Variants in C10orf67 observed in about 807,000 individuals in gnomAD.
C10orf67 encodes uncharacterized protein C10orf67, mitochondrial.
A neutral mutation model predicts 35.6 loss-of-function variants in C10orf67; 60 were observed. The observed-to-expected ratio is 1.68, with a 90% CI of 1.37 to 2.09. The LOEUF (loss-of-function observed/expected upper bound fraction) is 2.09. Ranked by LOEUF, C10orf67 falls within the 30% of genes most tolerant of loss-of-function variation. The probability of loss-of-function intolerance (pLI) is 0.00; values close to 1 mark genes in which losing one functional copy is unlikely to be tolerated. For synonymous variants in C10orf67, 167 were observed against 115.8 expected (o/e 1.44, Z -2.84); for missense variants, 474 against 330.2 (o/e 1.44, Z -3.38).
At chr10:23,328,993 C>CAAAAAAAAAAAAAAAAAAAAAAA (rs57772405) in intron 2 of C10orf67, among the ~76,000 whole-genome samples, 33 of 78,732 alleles carry the variant, frequency 4.2e-4, no homozygotes, top group East Asian at 7.5e-4. Context: ...CATAAACGAA[C>CAAAAAAAAAAAAAAAAAAAAAAA]AAAAAAAAAA....
downstream of C10orf67, chr10:23,202,584 C>T (rs1841054640): frequency 6.6e-6 from 1 of 151,014 alleles, no homozygotes; most frequent in African/African-American, 2.4e-5. Context: ...TACAGCAAAA[C>T]TTTTGAAGGA....
intron 15 of C10orf67, among the ~76,000 whole-genome samples, chr10:23,216,531 T>A (rs1205018478): frequency 1.3e-5 from 2 of 152,116 alleles, no homozygotes; most frequent in Non-Finnish European, 2.9e-5. Context: ...CTATGAGAAA[T>A]AGCAGCTATT....
In C10orf67 at chr10:23,279,209, G is replaced by A. The variant is rs190640571; in HGVS notation, c.975+2804C>T. ...GCAGAGACTCACTGATAGCGAGACA[G>A]GGACCACATGGACAGCAGAACTTGC... On this transcript the variant is annotated intron_variant, in intron 8 of 15. Transcript: ENST00000636213. 2.2e-4 allele frequency among the ~76,000 whole-genome samples: 33 copies of A among 152,366 alleles called. No homozygotes were observed. The East Asian group carries it at 6.2e-3, about 28-fold the overall frequency.
At chr10:23,333,493 A>T (rs1845558193) in intron 1 of C10orf67, among the ~76,000 whole-genome samples, 1 of 152,202 alleles carries the variant, frequency 6.6e-6, no homozygotes. Flanking sequence ...TGCTGGAAAT[A>T]ATTCTAGATT....
intron 13 of C10orf67, among the ~76,000 whole-genome samples, chr10:23,232,048 A>C (rs982442730): frequency 6.6e-6 from 1 of 152,180 alleles, no homozygotes; most frequent in Admixed American, 6.6e-5. Flanking sequence ...TCCCTCCAGG[A>C]GGAAATGAAG....
chr10:23,211,280 G>A (rs1346378459), intron 15 of C10orf67, among the ~76,000 whole-genome samples: 1 of 152,082 alleles, frequency 6.6e-6, no homozygotes, highest in Non-Finnish European at 1.5e-5. Flanking sequence ...CCATCACATA[G>A]TGTCTCCCTG....
intron 15 of C10orf67, among the ~76,000 whole-genome samples, chr10:23,215,218 A>G (rs531124782): frequency 2.0e-5 from 3 of 152,264 alleles, no homozygotes; most frequent in African/African-American, 2.4e-5. Context: ...CTAAATTTGT[A>G]TTCGAAAATC....
chr10:23,281,226 C>A (rs944819990), intron 8 of C10orf67, among the ~76,000 whole-genome samples: 5 of 152,100 alleles, frequency 3.3e-5, no homozygotes, highest in Admixed American at 6.5e-5. Context: ...ACACAGGGTG[C>A]TGAGAGTAAC....
At chr10:23,318,626 T>A in intron 4 of C10orf67, 1 of 383,884 alleles carries the variant, frequency 2.6e-6, no homozygotes, top group Non-Finnish European at 4.7e-6. Flanking sequence ...AGCAGGTAAG[T>A]GGGAGACAGT....
At chr10:23,240,634 C>T (rs1842157401) in intron 12 of C10orf67, among the ~76,000 whole-genome samples, 1 of 152,184 alleles carries the variant, frequency 6.6e-6, no homozygotes, top group Non-Finnish European at 1.5e-5. Context: ...AAGACGTACT[C>T]TGTAGAGAAG....
intron 13 of C10orf67, among the ~76,000 whole-genome samples, chr10:23,226,147 C>T (rs1307487159): frequency 1.3e-5 from 2 of 152,170 alleles, no homozygotes; most frequent in Non-Finnish European, 2.9e-5. Flanking sequence ...TTCTTCTCAG[C>T]ACCACATTGC....
chr10:23,304,864 G>C (rs1473574577), intron 4 of C10orf67, among the ~76,000 whole-genome samples: 1 of 152,166 alleles, frequency 6.6e-6, no homozygotes, highest in Non-Finnish European at 1.5e-5. Flanking sequence ...TACAGACTAA[G>C]GTCCTGGAAG....
In C10orf67 at chr10:23,323,935, A is replaced by G. The variant is rs1845075718; in HGVS notation, c.328-1398T>C. Among the ~76,000 whole-genome samples, 2 of 68,856 alleles carry G rather than the reference A, an allele frequency of 2.9e-5. 1 individual carries two copies. Among genetic ancestry groups the G allele is most frequent in the Admixed American group, 2.8e-4 (2 of 7,080 alleles). The allele number at this position is 68,856 out of a possible 152,430, so 45.2% of individuals were successfully genotyped here. On this transcript the variant is annotated intron_variant, in intron 2 of 15. Coordinates refer to ENST00000636213, the MANE Select transcript of C10orf67 (RefSeq NM_001371909.1). ...TATATATATATATATATATATATAT[A>G]TATATATATATATATATACACACAC...
At chr10:23,333,895 G>A (rs1038829913) in intron 1 of C10orf67, among the ~76,000 whole-genome samples, 1 of 152,082 alleles carries the variant, frequency 6.6e-6, no homozygotes, top group East Asian at 1.9e-4. Context: ...AGTCCAGGAG[G>A]TTGAGGCTGC....
intron 3 of C10orf67, among the ~76,000 whole-genome samples, chr10:23,321,821 T>C: frequency 6.6e-6 from 1 of 152,112 alleles, no homozygotes. Context: ...GGGTCTCGAC[T>C]TGTCACCCAG....
intron 13 of C10orf67, among the ~76,000 whole-genome samples, chr10:23,233,284 A>G (rs1841961562): frequency 6.6e-6 from 1 of 152,350 alleles, no homozygotes; most frequent in South Asian, 2.1e-4. Context: ...ACATCTTTTT[A>G]AATTTCAAGG....
At chr10:23,262,732 T>C (rs1588627675) in intron 10 of C10orf67, among the ~76,000 whole-genome samples, 1 of 152,186 alleles carries the variant, frequency 6.6e-6, no homozygotes, top group East Asian at 1.9e-4. Context: ...TATTTTCTGT[T>C]CCAAATATAC....
chr10:23,344,641 A>G lies in C10orf67; in HGVS notation c.134T>C (p.Leu45Pro), dbSNP rs1377971142. 6.3e-7 allele frequency: 1 copy of G among 1,581,056 alleles called. No individual in the cohort carries two copies. Among genetic ancestry groups the G allele is most frequent in the Non-Finnish European group, 8.6e-7 (1 of 1,164,186 alleles). Residue 45 changes from leucine (L) to proline (P), a missense_variant, in exon 1 of 16, where the codon CTG becomes CCG. Leu to Pro is a moderately conservative substitution (Grantham distance 98, BLOSUM62 -3). Coordinates refer to ENST00000636213, the MANE Select transcript of C10orf67 (RefSeq NM_001371909.1). ...WEAMKAKATE[L>P]RVCCARRKRE... ...CTTCCTACGCGCGCAGCAGACCCGC[A>G]GCTCGGTGGCCTTGGCTTTCATGGC...
At chr10:23,228,594 C>G (rs534461936) in intron 13 of C10orf67, among the ~76,000 whole-genome samples, 6 of 152,286 alleles carry the variant, frequency 3.9e-5, no homozygotes, top group African/African-American at 1.4e-4. Context: ...TGAATGGGAT[C>G]TGATTAAACT....
Sources: gnomAD v4.1 joint callset for allele counts (sites outside exome capture counted in the v4.1 genomes callset) on GRCh38, gnomAD v4.1.1 for gene constraint, MANE v1.5 for transcripts, NCBI Gene and HGNC (gene_info 2026-07-23, HGNC 2026-07-21) for gene names.